Variants in ZNF618 observed in about 807,000 individuals in gnomAD.
ZNF618 encodes the protein zinc finger protein 618, also known as neural precursor cell expressed, developmentally down-regulated 10.
A neutral mutation model predicts 103.0 loss-of-function variants in ZNF618; 34 were observed. The ratio of observed to expected loss-of-function variants is 0.33; its 90% CI spans 0.25 to 0.44. The LOEUF (loss-of-function observed/expected upper bound fraction) is 0.44. Ranked by LOEUF, ZNF618 falls within the 20% of genes least tolerant of loss-of-function variation. The probability of loss-of-function intolerance (pLI) is 1.00; values close to 1 mark genes in which losing one functional copy is unlikely to be tolerated. For synonymous variants in ZNF618, 551 were observed against 542.2 expected (o/e 1.02, Z -0.23); for missense variants, 1,059 against 1,295.4 (o/e 0.82, Z 2.80).
chr9:114,028,801 T>C lies in ZNF618; in HGVS notation c.913T>C (p.Ser305Pro). ...TGSECSHPEV[S>P]PSPRFVAAKT... ...CTCTGAGTGTTCACATCCAGAGGTC[T>C]CCCCATCTCCACGCTTCGTGGCAGC... The change falls in exon 11 of 15, where the codon TCC becomes CCC. Residue 305 changes from serine (S) to proline (P), a missense_variant. This residue lies in a region of ZNF618 where 434 missense variants were observed against 476.0 expected (regional missense o/e 0.91). Coordinates refer to ENST00000374126, the MANE Select transcript of ZNF618 (RefSeq NM_001318042.2). 6.4e-7 allele frequency: 1 copy of C among 1,550,528 alleles called. No homozygotes were observed. Among genetic ancestry groups the C allele is most frequent in the Non-Finnish European group, 8.7e-7 (1 of 1,146,990 alleles).
At chr9:113,895,594 A>G (rs1004548167) in intron 1 of ZNF618, among the ~76,000 whole-genome samples, 1 of 152,132 alleles carries the variant, frequency 6.6e-6, no homozygotes, top group East Asian at 1.9e-4. Flanking sequence ...GATCTGAAAC[A>G]TGGAGGATAA....
intron 1 of ZNF618, among the ~76,000 whole-genome samples, chr9:113,943,415 A>G (rs957011962): frequency 6.6e-6 from 1 of 152,128 alleles, no homozygotes; most frequent in African/African-American, 2.4e-5. Flanking sequence ...GCCACGTGTG[A>G]TGCACTTGGC....
At chr9:114,023,141 T>G (rs544071795) in intron 10 of ZNF618, among the ~76,000 whole-genome samples, 5 of 152,214 alleles carry the variant, frequency 3.3e-5, no homozygotes, top group African/African-American at 1.2e-4. Flanking sequence ...TATATTAATA[T>G]GGTTAGATTT....
chr9:113,934,293 A>C (rs1257451700), intron 1 of ZNF618, among the ~76,000 whole-genome samples: 1 of 152,110 alleles, frequency 6.6e-6, no homozygotes, highest in Non-Finnish European at 1.5e-5. Context: ...TAGAGGGTCC[A>C]TGCTGTAGAG....
intron 1 of ZNF618, among the ~76,000 whole-genome samples, chr9:113,933,477 G>A (rs1316132260): frequency 6.6e-6 from 1 of 152,194 alleles, no homozygotes; most frequent in African/African-American, 2.4e-5. Flanking sequence ...ATTAGATCTG[G>A]TGGTGGGGAG....
intron 10 of ZNF618, among the ~76,000 whole-genome samples, chr9:114,020,151 TGTAA>T (rs1274227408): frequency 2.6e-5 from 4 of 152,196 alleles, no homozygotes; most frequent in Non-Finnish European, 5.9e-5. Context: ...TATTTGAATG[TGTAA>T]GTATTTTTCT....
intron 1 of ZNF618, among the ~76,000 whole-genome samples, chr9:113,933,324 T>C (rs948426756): frequency 1.3e-5 from 2 of 152,198 alleles, no homozygotes; most frequent in African/African-American, 4.8e-5. Flanking sequence ...GTTGCTATGC[T>C]GTGGAAAGCC....
chr9:113,951,184 G>T (rs889244127), intron 1 of ZNF618, among the ~76,000 whole-genome samples: 1 of 151,490 alleles, frequency 6.6e-6, no homozygotes, highest in African/African-American at 2.4e-5. Flanking sequence ...TGGACTAGCT[G>T]TGTGGCTTTG....
chr9:114,012,942 T>C (rs1424608944), intron 9 of ZNF618, among the ~76,000 whole-genome samples: 1 of 151,654 alleles, frequency 6.6e-6, no homozygotes, highest in Non-Finnish European at 1.5e-5. Flanking sequence ...AGATTCGATA[T>C]AAAGAGACCT....
At chr9:114,017,017 C>T (rs748401918) in intron 10 of ZNF618, 29 of 545,046 alleles carry the variant, frequency 5.3e-5, no homozygotes, top group Admixed American at 1.7e-4. Context: ...CCTTAGTGGA[C>T]TCAGAGTCCT....
Position 114,047,850 on chromosome 9 carries a change from T to C in ZNF618, c.1247-43T>C, listed in dbSNP as rs995215858. The C allele has an allele frequency of 1.2e-5, 18 of 1,541,192 alleles. 1 individual carries two copies. Among genetic ancestry groups the C allele is most frequent in the East Asian group, 4.8e-5 (2 of 41,576 alleles). Reference sequence around the variant, plus strand: ...TTCTCATCTCGTTCCTCAACAGGCCTCTTACCCTTCCAGGTAACACACTGT... The same window carrying C: ...TTCTCATCTCGTTCCTCAACAGGCCCCTTACCCTTCCAGGTAACACACTGT... On this transcript the variant is annotated intron_variant, in intron 13 of 14. Transcript: ENST00000374126.
rs143435460 is a variant in ZNF618, at chr9:114,031,218, C to T, written c.1085-1427C>T. Reference sequence around the variant, plus strand: ...TGCCTGGTACATAGGAGGTGCTCAGCGAATGAGAGCCCCCCACCCCCACCC... The same window carrying T: ...TGCCTGGTACATAGGAGGTGCTCAGTGAATGAGAGCCCCCCACCCCCACCC... On this transcript the variant is annotated intron_variant, in intron 11 of 14. Coordinates refer to ENST00000374126, the MANE Select transcript of ZNF618 (RefSeq NM_001318042.2). Among the ~76,000 whole-genome samples, 355 of 152,276 alleles carry T rather than the reference C, an allele frequency of 2.3e-3. 2 individuals carry two copies. Among genetic ancestry groups the T allele is most frequent in the Non-Finnish European group, 3.9e-3 (262 of 68,024 alleles).
chr9:114,016,009 G>A, intron 9 of ZNF618: 1 of 1,099,076 alleles, frequency 9.1e-7, no homozygotes, highest in East Asian at 2.5e-5. Flanking sequence ...CCTCCCCCAA[G>A]GGGGTAGATG....
chr9:114,004,112 T>G (rs1841510730), intron 6 of ZNF618, among the ~76,000 whole-genome samples: 1 of 152,218 alleles, frequency 6.6e-6, no homozygotes, highest in African/African-American at 2.4e-5. Context: ...CAGAGCAGTT[T>G]GAAGAGATGG....
intron 13 of ZNF618, among the ~76,000 whole-genome samples, chr9:114,046,266 A>G (rs184943563): frequency 6.6e-6 from 1 of 152,302 alleles, no homozygotes; most frequent in East Asian, 1.9e-4. Context: ...CACATGATGT[A>G]CATGATGGAC....
In ZNF618 at chr9:114,049,595, G is replaced by A. The variant is rs1243817659; in HGVS notation, c.2293G>A (p.Val765Ile). 5.0e-6 allele frequency: 8 copies of A among 1,613,838 alleles called. No homozygotes were observed. Among genetic ancestry groups the A allele is most frequent in the South Asian group, 1.1e-5 (1 of 91,088 alleles). ...CCTGCAGCTGGTGCTGCCCACCTAC[G>A]TCAGGCTGGAGAAGCTGTTCACGGC... ...PTLQLVLPTYVRLEKLFTAKA... is the reference protein window; with the variant it reads ...PTLQLVLPTYIRLEKLFTAKA... The change falls in exon 15 of 15, where the codon GTC (valine) becomes ATC (isoleucine). Residue 765 changes from valine (V) to isoleucine (I), a missense_variant. This residue lies in a region of ZNF618 where 272 missense variants were observed against 380.1 expected (regional missense o/e 0.72). Coordinates refer to ENST00000374126, the MANE Select transcript of ZNF618 (RefSeq NM_001318042.2).
intron 2 of ZNF618, among the ~76,000 whole-genome samples, chr9:113,978,928 A>G (rs1838732470): frequency 6.6e-6 from 1 of 152,198 alleles, no homozygotes; most frequent in Non-Finnish European, 1.5e-5. Context: ...TGCCCTTGGC[A>G]TCACTCTCTG....
At chr9:114,045,789 A>G (rs879285121) in intron 13 of ZNF618, among the ~76,000 whole-genome samples, 2 of 151,868 alleles carry the variant, frequency 1.3e-5, no homozygotes, top group Non-Finnish European at 2.9e-5. Context: ...ATTGTGTTTA[A>G]TCTAGATGAG....
At chr9:113,980,168 G>A (rs1035324090) in intron 2 of ZNF618, among the ~76,000 whole-genome samples, 4 of 152,158 alleles carry the variant, frequency 2.6e-5, no homozygotes, top group African/African-American at 9.7e-5. Context: ...ATTACTGTTA[G>A]CTGAAGTGGA....
Sources: allele counts gnomAD v4.1 joint callset (sites outside exome capture counted in the v4.1 genomes callset), GRCh38; gene constraint gnomAD v4.1.1; regional missense constraint gnomAD v4.1.1; transcripts MANE v1.5; gene names NCBI Gene and HGNC (gene_info 2026-07-23, HGNC 2026-07-21).